Variants in GLT1D1 observed in about 807,000 individuals in gnomAD.
The protein encoded by GLT1D1 is glycosyltransferase 1 domain containing 1.
GLT1D1 carries 21 observed loss-of-function variants against 28.7 expected under a neutral mutation model. The observed-to-expected ratio is 0.73, with a 90% CI of 0.52 to 1.05. The LOEUF (loss-of-function observed/expected upper bound fraction) is 1.05. Among genes scored for constraint, GLT1D1 ranks in the 50% least tolerant of loss-of-function variants. The pLI is 0.00. For missense variants in GLT1D1, 343 were observed against 330.6 expected (o/e 1.04, Z -0.29); for synonymous variants, 147 against 124.8 (o/e 1.18, Z -1.19).
At chr12:128,879,461 T>TCTTC (rs1484044690) in intron 2 of GLT1D1, among the ~76,000 whole-genome samples, 1 of 133,700 alleles carries the variant, frequency 7.5e-6, no homozygotes, top group Non-Finnish European at 1.6e-5. Flanking sequence ...TTTCTTTCTT[T>TCTTC]TTTTTGGGGG....
At chr12:128,974,944 C>T (rs1879620563) in intron 7 of GLT1D1, among the ~76,000 whole-genome samples, 1 of 152,244 alleles carries the variant, frequency 6.6e-6, no homozygotes, top group Admixed American at 6.5e-5. Flanking sequence ...ATTTGCCCCT[C>T]ATTGAGGCTG....
intron 2 of GLT1D1, among the ~76,000 whole-genome samples, chr12:128,876,989 C>T (rs1264218630): frequency 2.0e-5 from 3 of 152,176 alleles, no homozygotes; most frequent in Non-Finnish European, 4.4e-5. Context: ...AGTCAAACAA[C>T]AATACACTCT....
intron 1 of GLT1D1, among the ~76,000 whole-genome samples, chr12:128,860,232 G>A (rs573914737): frequency 3.9e-4 from 59 of 152,282 alleles, no homozygotes; most frequent in Admixed American, 8.5e-4. Flanking sequence ...AGGCCGAGGC[G>A]GGCAGATCAC....
intron 3 of GLT1D1, among the ~76,000 whole-genome samples, chr12:128,895,613 C>A (rs575631905): frequency 6.6e-6 from 1 of 151,930 alleles, no homozygotes; most frequent in African/African-American, 2.4e-5. Flanking sequence ...TGCACCACCA[C>A]GCCGGGCTAA....
chr12:128,951,234 CT>C (rs1876663612), intron 6 of GLT1D1, among the ~76,000 whole-genome samples: 2 of 152,124 alleles, frequency 1.3e-5, no homozygotes, highest in South Asian at 4.1e-4. Flanking sequence ...GAAACCCTGT[CT>C]CTACTAAAAA....
chr12:128,879,365 ATTATTTTT>A (rs1566096098), intron 2 of GLT1D1, among the ~76,000 whole-genome samples: 3 of 125,298 alleles, frequency 2.4e-5, no homozygotes, highest in African/African-American at 1.0e-4. Context: ...AGTGATACTT[ATTATTTTT>A]TTCTTTTTCT....
intron 4 of GLT1D1, among the ~76,000 whole-genome samples, chr12:128,931,828 T>C (rs760062304): frequency 8.5e-5 from 13 of 152,206 alleles, no homozygotes; most frequent in Non-Finnish European, 1.5e-4. Context: ...GGTTTTTTAA[T>C]TAAAAATAAT....
At chr12:128,862,179 A>T (rs1293577883) in intron 1 of GLT1D1, among the ~76,000 whole-genome samples, 2 of 151,676 alleles carry the variant, frequency 1.3e-5, no homozygotes, top group Non-Finnish European at 2.9e-5. Flanking sequence ...AAATACAAAA[A>T]TTAGCTGGGC....
At chr12:128,936,275 C>T (rs1874550020) in intron 4 of GLT1D1, among the ~76,000 whole-genome samples, 1 of 151,908 alleles carries the variant, frequency 6.6e-6, no homozygotes, top group African/African-American at 2.4e-5. Context: ...CTGCCTCAGC[C>T]TCCCGAGTAG....
intron 4 of GLT1D1, among the ~76,000 whole-genome samples, chr12:128,939,008 A>T (rs1019982733): frequency 6.6e-6 from 1 of 152,098 alleles, no homozygotes; most frequent in Admixed American, 6.5e-5. Flanking sequence ...GCACCCTAGG[A>T]AGGTCCTCTC....
intron 6 of GLT1D1, among the ~76,000 whole-genome samples, chr12:128,950,083 G>A (rs1876536190): frequency 6.6e-6 from 1 of 152,148 alleles, no homozygotes; most frequent in South Asian, 2.1e-4. Flanking sequence ...GTTTGTAAGT[G>A]TGTGTGTGGA....
intron 4 of GLT1D1, among the ~76,000 whole-genome samples, chr12:128,936,453 C>A (rs1874574206): frequency 2.0e-5 from 3 of 152,216 alleles, no homozygotes; most frequent in African/African-American, 7.2e-5. Context: ...CGCACCCGGC[C>A]ATAAAATATC....
intron 2 of GLT1D1, among the ~76,000 whole-genome samples, chr12:128,885,287 A>G (rs1957150852): frequency 6.6e-6 from 1 of 152,168 alleles, no homozygotes; most frequent in African/African-American, 2.4e-5. Flanking sequence ...CAGTGGCACA[A>G]TCTTGGCTCA....
intron 4 of GLT1D1, among the ~76,000 whole-genome samples, chr12:128,910,788 A>T (rs1161272187): frequency 6.6e-6 from 1 of 151,808 alleles, no homozygotes; most frequent in Non-Finnish European, 1.5e-5. Context: ...TTGGAATACC[A>T]CACATACCTG....
At chr12:128,875,836 G>T in intron 1 of GLT1D1, 78 bp from the exon 2 acceptor site, 8 of 1,172,248 alleles carry the variant, frequency 6.8e-6, no homozygotes, top group Non-Finnish European at 9.5e-6. Context: ...AAAAAAAAAA[G>T]TCTTAACTGT....
chr12:128,917,157 G>A (rs1466431365), intron 4 of GLT1D1, among the ~76,000 whole-genome samples: 1 of 152,122 alleles, frequency 6.6e-6, no homozygotes, highest in African/African-American at 2.4e-5. Context: ...TTTACTGTAT[G>A]TGGCCTTCCA....
intron 1 of GLT1D1, among the ~76,000 whole-genome samples, chr12:128,868,198 C>T (rs1956595003): frequency 6.6e-6 from 1 of 152,240 alleles, no homozygotes. Flanking sequence ...ATCTTCTCGC[C>T]AGCCCCTCCT....
At chr12:128,979,614 T>G (rs1220768939) in intron 7 of GLT1D1, among the ~76,000 whole-genome samples, 1 of 151,970 alleles carries the variant, frequency 6.6e-6, no homozygotes, top group African/African-American at 2.4e-5. Flanking sequence ...ATTAGCCAGA[T>G]AAGGGGCATG....
chr12:128,971,530 C>T (rs1204510741), intron 7 of GLT1D1, among the ~76,000 whole-genome samples: 1 of 129,400 alleles, frequency 7.7e-6, no homozygotes, highest in Non-Finnish European at 1.6e-5. Context: ...CCTTCTGTCC[C>T]TTTCTCTCTC....
Sources: gnomAD v4.1 joint callset for allele counts (sites outside exome capture counted in the v4.1 genomes callset) on GRCh38, gnomAD v4.1.1 for gene constraint, MANE v1.5 for transcripts, NCBI Gene and HGNC (gene_info 2026-07-23, HGNC 2026-07-21) for gene names.